Variants in PARD6G observed in about 807,000 individuals in gnomAD.
PARD6G encodes the protein par-6 family cell polarity regulator gamma.
PARD6G carries 7 observed loss-of-function variants against 10.7 expected under a neutral mutation model. The observed-to-expected ratio is 0.66, with a 90% CI of 0.37 to 1.23. PARD6G has a LOEUF of 1.23. Ranked by LOEUF, PARD6G falls within the 50% of genes most tolerant of loss-of-function variation. The pLI, the probability that PARD6G is intolerant of heterozygous loss-of-function variation, is 0.02. For missense variants in PARD6G, 548 were observed against 571.8 expected (o/e 0.96, Z 0.42); for synonymous variants, 287 against 269.4 (o/e 1.07, Z -0.64).
intron 1 of PARD6G, among the ~76,000 whole-genome samples, chr18:80,235,360 T>C (rs1212928313): frequency 6.6e-6 from 1 of 151,246 alleles, no homozygotes; most frequent in African/African-American, 2.4e-5. Flanking sequence ...TTCAAAGCAG[T>C]GTGTAGAGGG....
rs192878176 is a variant in PARD6G, at chr18:80,184,070, C to T, written c.295+18640G>A. ...AAATTTATTGTCCAAACCAGACCCACCCCAATGCATTTGCCTCTGATGTGA... is the reference window on the plus strand; with the variant it reads ...AAATTTATTGTCCAAACCAGACCCATCCCAATGCATTTGCCTCTGATGTGA... On this transcript the variant is annotated intron_variant, in intron 2 of 2. Coordinates refer to ENST00000353265, the MANE Select transcript of PARD6G (RefSeq NM_032510.4). The surrounding 1 kb of genome is among the most constrained non-coding windows in gnomAD (Gnocchi z 4.5). 1 of 152,358 alleles carries T rather than the reference C, an allele frequency of 6.6e-6. No homozygotes were observed. Among genetic ancestry groups the T allele is most frequent in the East Asian group, 1.9e-4 (1 of 5,186 alleles). 9.4% of individuals were successfully genotyped at this position (152,358 alleles called of 1,614,324 possible). A position where few individuals can be genotyped will look rare whatever the true frequency, so the allele number is the denominator to read the frequency against.
intron 2 of PARD6G, among the ~76,000 whole-genome samples, chr18:80,172,617 T>G (rs1245528494): frequency 6.6e-6 from 1 of 152,178 alleles, no homozygotes; most frequent in Non-Finnish European, 1.5e-5. Flanking sequence ...ACTCCTGACC[T>G]CAAGTGATCT....
chr18:80,242,446 A>C (rs1263543152), intron 1 of PARD6G, among the ~76,000 whole-genome samples: 1 of 152,244 alleles, frequency 6.6e-6, no homozygotes, highest in African/African-American at 2.4e-5. Context: ...CATGGCAGCC[A>C]ACGGCCTCAG....
chr18:80,241,538 A>C (rs1289213588), intron 1 of PARD6G, among the ~76,000 whole-genome samples: 5 of 152,180 alleles, frequency 3.3e-5, no homozygotes. Context: ...CAATGTATTT[A>C]GGATGGTCCC....
At chr18:80,177,095 C>T in intron 2 of PARD6G, among the ~76,000 whole-genome samples, 1 of 149,820 alleles carries the variant, frequency 6.7e-6, no homozygotes, top group South Asian at 2.1e-4. Flanking sequence ...CACACACACA[C>T]ACGGGATAAA....
In PARD6G at chr18:80,181,251, C is replaced by T. The variant is rs903255262; in HGVS notation, c.296-20645G>A. Among the ~76,000 whole-genome samples, 9 of 152,088 alleles carry T rather than the reference C, an allele frequency of 5.9e-5. No homozygotes were observed. Among genetic ancestry groups the T allele is most frequent in the Admixed American group, 2.0e-4 (3 of 15,280 alleles). ...ATGCCAGGGACCCCAGGTCACACGC[C>T]CCTGGGGGATAGGAGAGGTGGTGTC... On this transcript the variant is annotated intron_variant, in intron 2 of 2. Coordinates refer to ENST00000353265, the MANE Select transcript of PARD6G (RefSeq NM_032510.4). The surrounding 1 kb of genome is among the most constrained non-coding windows in gnomAD (Gnocchi z 7.9).
intron 2 of PARD6G, chr18:80,197,636 G>A: frequency 6.6e-6 from 1 of 152,224 alleles, no homozygotes; most frequent in Middle Eastern, 3.2e-3. Flanking sequence ...GCTGTGCCTG[G>A]AGGTGAGTAA....
rs535952290 is a variant in PARD6G at position 80,175,535 on chromosome 18, C to T, written c.296-14929G>A. ...TAACCTTCATCACCCCCTAAAGACA[C>T]TGTCTCCAGATACAGTCAGACTGAG... On this transcript the variant is annotated intron_variant, in intron 2 of 2. Coordinates refer to ENST00000353265, the MANE Select transcript of PARD6G (RefSeq NM_032510.4). This position sits in a 1 kb window ranked among gnomAD's most constrained non-coding sequence, Gnocchi z 6.7. 6.6e-6 allele frequency among the ~76,000 whole-genome samples: 1 copy of T among 152,304 alleles called. No homozygotes were observed. The highest frequency in any genetic ancestry group is 1.9e-4 in the East Asian group (1 of 5,182).
chr18:80,185,460 G>A (rs968293069), intron 2 of PARD6G, among the ~76,000 whole-genome samples: 24 of 152,146 alleles, frequency 1.6e-4, no homozygotes, highest in Non-Finnish European at 1.8e-4. Context: ...GTATTAAGAA[G>A]TAATTTTAAA....
intron 2 of PARD6G, among the ~76,000 whole-genome samples, chr18:80,174,444 A>G (rs2052795980): frequency 1.3e-5 from 2 of 152,040 alleles, no homozygotes; most frequent in Admixed American, 1.3e-4. Flanking sequence ...CTGGGATTAC[A>G]GGCATGAACC....
At chr18:80,166,015 C>T (rs6506812) in intron 2 of PARD6G, among the ~76,000 whole-genome samples, 128,612 of 152,048 alleles carry the variant, frequency 0.85, 54,527 homozygotes, top group Non-Finnish European at 0.87. Flanking sequence ...ACAGCGGAGG[C>T]TGCAGTGAGC....
chr18:80,186,832 G>A (rs1452946152), intron 2 of PARD6G, among the ~76,000 whole-genome samples: 3 of 152,154 alleles, frequency 2.0e-5, no homozygotes, highest in Non-Finnish European at 4.4e-5. Context: ...AATCAAGGAA[G>A]GGCTGGGCGG....
intron 2 of PARD6G, among the ~76,000 whole-genome samples, chr18:80,179,516 C>A (rs1222704468): frequency 6.6e-6 from 1 of 152,228 alleles, no homozygotes; most frequent in Non-Finnish European, 1.5e-5. Context: ...CCACTGCCTC[C>A]CCCCACCCAG....
intron 1 of PARD6G, among the ~76,000 whole-genome samples, chr18:80,244,825 G>A (rs1051764125): frequency 5.3e-5 from 8 of 152,248 alleles, no homozygotes; most frequent in South Asian, 2.1e-4. Flanking sequence ...TGACAACAGC[G>A]GCTCCCTATG....
At chr18:80,168,172 T>G (rs2052749129) in intron 2 of PARD6G, among the ~76,000 whole-genome samples, 1 of 152,112 alleles carries the variant, frequency 6.6e-6, no homozygotes, top group African/African-American at 2.4e-5. Context: ...GAGCTGCAGC[T>G]CAGGTGAGAG....
At position 80,202,951 on chromosome 18, in the gene PARD6G, G is replaced by T. The variant is rs1433485302; in HGVS notation, c.73-19C>A. On this transcript the variant is annotated intron_variant, in intron 1 of 2. Transcript: ENST00000353265. ...CCCCAAACTACAATGCAAGAGACGG[G>T]GTGGGGGGAGGGGCATTAATAAATA... 12 of 361,108 alleles carry T rather than the reference G, an allele frequency of 3.3e-5. No individual in the cohort carries two copies. The highest frequency in any genetic ancestry group is 6.6e-5 in the Non-Finnish European group (12 of 182,952). The allele number at this position is 361,108 out of a possible 1,614,324, so 22.4% of individuals were successfully genotyped here.
At chr18:80,220,365 C>A (rs1189734716) in intron 1 of PARD6G, among the ~76,000 whole-genome samples, 1 of 152,066 alleles carries the variant, frequency 6.6e-6, no homozygotes, top group Non-Finnish European at 1.5e-5. Flanking sequence ...GGGGACACAG[C>A]CAAACCATAT....
intron 1 of PARD6G, among the ~76,000 whole-genome samples, chr18:80,221,932 T>C (rs996265060): frequency 4.0e-5 from 6 of 151,884 alleles, no homozygotes; most frequent in African/African-American, 1.5e-4. Flanking sequence ...GAAAATTCCA[T>C]TAACAATAGC....
chr18:80,247,343 G>A lies in PARD6G; in HGVS notation c.6C>T (p.Asn2=), dbSNP rs746766907. 5 of 1,572,008 alleles carry A rather than the reference G, an allele frequency of 3.2e-6. No individual in the cohort carries two copies. The highest frequency in any genetic ancestry group is 1.7e-4 in the Middle Eastern group (1 of 5,898). ...AGGTCTGAGACTTGTGAAAACTTCGGTTCATGGTTTCGGCCCCGGTCAGCC... is the reference window on the plus strand; with the variant it reads ...AGGTCTGAGACTTGTGAAAACTTCGATTCATGGTTTCGGCCCCGGTCAGCC... M[N]RSFHKSQTLR... The change falls in exon 1 of 3, where the codon AAC becomes AAT. Residue 2 remains asparagine, a synonymous_variant. Transcript: ENST00000353265. The surrounding 1 kb of genome is among the most constrained non-coding windows in gnomAD (Gnocchi z 4.2).
Sources: allele counts gnomAD v4.1 joint callset (sites outside exome capture counted in the v4.1 genomes callset), GRCh38; gene constraint gnomAD v4.1.1; non-coding constraint Gnocchi (gnomAD v3.1); transcripts MANE v1.5; gene names NCBI Gene and HGNC (gene_info 2026-07-23, HGNC 2026-07-21).